RUFY3: variants seen among roughly 807,000 people sequenced by gnomAD.
The protein encoded by RUFY3 is protein RUFY3.
Under a neutral mutation model 84.0 loss-of-function variants are expected in RUFY3, and 34 were observed. The observed-to-expected ratio is 0.40, with a 90% CI of 0.31 to 0.54. RUFY3 has a LOEUF of 0.54. Among genes scored for constraint, RUFY3 ranks in the 20% least tolerant of loss-of-function variants. The probability of loss-of-function intolerance (pLI) is 0.39; values close to 1 mark genes in which losing one functional copy is unlikely to be tolerated. For missense variants in RUFY3, 507 were observed against 736.8 expected (o/e 0.69, Z 3.61); for synonymous variants, 242 against 252.9 (o/e 0.96, Z 0.41).
rs1242842461 is a variant in RUFY3 at position 70,727,039 on chromosome 4, C to CTTT, written c.178+4306_178+4308dup. ...GTGAAAGCGTAGTGGGATTTCTTTC[C>CTTT]TTTTTTTTTTTTTTTTTTTTAACCG... On this transcript the variant is annotated intron_variant, in intron 1 of 17. Transcript: ENST00000381006. Among the ~76,000 whole-genome samples the CTTT allele has an allele frequency of 6.1e-3, 687 of 113,264 alleles. 8 individuals are homozygous for CTTT. Among genetic ancestry groups the CTTT allele is most frequent in the African/African-American group, 0.018 (579 of 31,634 alleles). 74.3% of individuals were successfully genotyped at this position (113,264 alleles called of 152,430 possible).
At chr4:70,787,453 C>T (rs1467541453) in intron 10 of RUFY3, among the ~76,000 whole-genome samples, 1 of 151,376 alleles carries the variant, frequency 6.6e-6, no homozygotes, top group Non-Finnish European at 1.5e-5. Context: ...GATGGGGTTT[C>T]ACCATGTTGG....
upstream of RUFY3, among the ~76,000 whole-genome samples, chr4:70,720,025 T>C (rs1191922725): frequency 6.6e-6 from 1 of 152,168 alleles, no homozygotes; most frequent in Non-Finnish European, 1.5e-5. Flanking sequence ...TCCCCAATTA[T>C]AAATAAGCCT....
chr4:70,707,895 A>G lies in RUFY3; in HGVS notation c.358+2601A>G, dbSNP rs1412645529. Among the ~76,000 whole-genome samples the G allele has an allele frequency of 3.9e-5, 6 of 152,202 alleles. 1 individual carries two copies. Among genetic ancestry groups the G allele is most frequent in the Admixed American group, 3.9e-4 (6 of 15,280 alleles). ...AAGTTCCTTGTTACCCTGCAGAGTC[A>G]ATGGAATATTGCTTTCTGTAATGTA... On this transcript the variant is annotated intron_variant, in intron 1 of 11. Transcript: ENST00000417478.
chr4:70,730,967 G>C lies in RUFY3; in HGVS notation c.178+8216G>C, dbSNP rs188535881. On this transcript the variant is annotated intron_variant, in intron 1 of 17. Transcript: ENST00000381006. ...TTTATACACAATTGAACACAGCATTGGCAGCTTAAGTACAGTCAGCATGCA... is the reference window on the plus strand; with the variant it reads ...TTTATACACAATTGAACACAGCATTCGCAGCTTAAGTACAGTCAGCATGCA... Among the ~76,000 whole-genome samples, 667 of 152,030 alleles carry C rather than the reference G, an allele frequency of 4.4e-3. 3 individuals carry two copies. Among genetic ancestry groups the C allele is most frequent in the Non-Finnish European group, 4.5e-3 (309 of 68,014 alleles).
At chr4:70,727,894 A>T (rs944839920) in intron 1 of RUFY3, among the ~76,000 whole-genome samples, 1 of 152,098 alleles carries the variant, frequency 6.6e-6, no homozygotes, top group African/African-American at 2.4e-5. Context: ...AGTATTATTG[A>T]GTGTTTAACA....
chr4:70,769,908 C>T (rs1243799285), intron 5 of RUFY3, among the ~76,000 whole-genome samples: 5 of 152,122 alleles, frequency 3.3e-5, no homozygotes, highest in African/African-American at 7.2e-5. Flanking sequence ...CTGCAACCTC[C>T]GCCTCCTGGG....
intron 5 of RUFY3, among the ~76,000 whole-genome samples, chr4:70,769,702 G>A (rs1726635355): frequency 2.6e-5 from 4 of 152,248 alleles, no homozygotes; most frequent in Non-Finnish European, 5.9e-5. Context: ...CAAAATTGGA[G>A]TCAGTCCTCT....
In RUFY3 at chr4:70,722,426, T is replaced by A; in HGVS notation, c.-148T>A. 1 of 1,354,644 alleles carries A rather than the reference T, an allele frequency of 7.4e-7. No individual in the cohort carries two copies. Among genetic ancestry groups the A allele is most frequent in the Non-Finnish European group, 9.5e-7 (1 of 1,051,726 alleles). The allele number at this position is 1,354,644 out of a possible 1,614,324, so 83.9% of individuals were successfully genotyped here. ...TAAGGTATTTTTCCTTTTTTTTTTT[T>A]TTAAACCTCCCCCACCCTTTTCCTG... On this transcript the variant is annotated 5_prime_UTR_variant, in exon 1 of 18. Transcript: ENST00000381006.
In RUFY3 at chr4:70,722,335, A is replaced by G. The variant is rs28533536; in HGVS notation, c.-239A>G. 0.046 allele frequency: 57,336 copies of G among 1,233,586 alleles called. 3,311 individuals are homozygous for G. The highest frequency in any genetic ancestry group is 0.28 in the African/African-American group (17,768 of 64,494). 76.4% of individuals were successfully genotyped at this position (1,233,586 alleles called of 1,614,324 possible). ...AAGACAAGCATCATCTTATTTTGCT[A>G]TGTGGTAGGAACTGTCTATAAGATA... On this transcript the variant is annotated 5_prime_UTR_variant, in exon 1 of 18. An upstream start codon of the reference 5' UTR is lost. Coordinates refer to ENST00000381006, the MANE Select transcript of RUFY3 (RefSeq NM_001037442.4).
intron 10 of RUFY3, among the ~76,000 whole-genome samples, chr4:70,785,500 G>T (rs951907278): frequency 2.0e-5 from 3 of 152,016 alleles, no homozygotes; most frequent in Non-Finnish European, 4.4e-5. Context: ...ATATAAATTA[G>T]TATAGCCACT....
At chr4:70,762,770 G>A (rs1725244290) in intron 2 of RUFY3, 78 bp downstream of exon 2, 11 of 1,232,658 alleles carry the variant, frequency 8.9e-6, no homozygotes, top group Non-Finnish European at 1.2e-5. Flanking sequence ...AGCATTCTTT[G>A]TGGAGCCAAA....
chr4:70,729,965 G>T (rs1256419941), intron 1 of RUFY3, among the ~76,000 whole-genome samples: 2 of 131,290 alleles, frequency 1.5e-5, no homozygotes, highest in Non-Finnish European at 3.1e-5. Flanking sequence ...ATGGAGTCTC[G>T]CTCTTGTCAC....
intron 1 of RUFY3, among the ~76,000 whole-genome samples, chr4:70,737,312 G>A (rs889594356): frequency 3.3e-5 from 5 of 152,060 alleles, no homozygotes; most frequent in African/African-American, 9.7e-5. Flanking sequence ...ATGAGAAACT[G>A]CATGTTTTTC....
exon 1 of RUFY3, chr4:70,704,999 G>A: frequency 8.2e-7 from 1 of 1,224,982 alleles, no homozygotes; most frequent in South Asian, 3.8e-5. Context: ...AGCCGGCGAG[G>A]GGCGGGGAGT....
intron 17 of RUFY3, among the ~76,000 whole-genome samples, chr4:70,804,944 A>T (rs928899969): frequency 2.6e-4 from 39 of 151,954 alleles, no homozygotes; most frequent in Non-Finnish European, 4.4e-5. Context: ...AAATAAATAA[A>T]CAAACAAAAA....
At chr4:70,765,541 A>G (rs943304018) in intron 4 of RUFY3, among the ~76,000 whole-genome samples, 1 of 152,136 alleles carries the variant, frequency 6.6e-6, no homozygotes, top group Non-Finnish European at 1.5e-5. Flanking sequence ...AAATGTGTGA[A>G]TGTTGGAATT....
intron 9 of RUFY3, among the ~76,000 whole-genome samples, chr4:70,783,471 TTGTTA>T (rs1393052264): frequency 6.6e-6 from 1 of 152,238 alleles, no homozygotes; most frequent in African/African-American, 2.4e-5. Context: ...ATTTAATAAT[TTGTTA>T]TGTTAAACAT....
At chr4:70,738,088 A>G (rs1305654914) in intron 1 of RUFY3, among the ~76,000 whole-genome samples, 16 of 150,922 alleles carry the variant, frequency 1.1e-4, no homozygotes, top group Non-Finnish European at 1.8e-4. Context: ...GGCTCAAGCA[A>G]TCCTCCTACC....
At chr4:70,754,049 A>ATT (rs763659188) in intron 1 of RUFY3, among the ~76,000 whole-genome samples, 3 of 143,052 alleles carry the variant, frequency 2.1e-5, no homozygotes, top group Admixed American at 7.0e-5. Context: ...TTTATGGTTA[A>ATT]TTTTTTTTTT....
Sources: allele counts gnomAD v4.1 joint callset (sites outside exome capture counted in the v4.1 genomes callset), GRCh38; gene constraint gnomAD v4.1.1; transcripts MANE v1.5; gene names NCBI Gene and HGNC (gene_info 2026-07-23, HGNC 2026-07-21).